The following PARP8 variants were observed in gnomAD, a reference collection of about 807,000 sequenced individuals.
PARP8 encodes protein mono-ADP-ribosyltransferase PARP8.
In PARP8, 51 loss-of-function variants were observed where a neutral mutation model predicts 124.1. The ratio of observed to expected loss-of-function variants is 0.41; its 90% CI spans 0.33 to 0.52. The LOEUF (loss-of-function observed/expected upper bound fraction) is 0.52, where lower values mean the gene tolerates loss of function less well. Ranked by LOEUF, PARP8 falls within the 20% of genes least tolerant of loss-of-function variation. PARP8 has a pLI of 0.21. For synonymous variants in PARP8, 391 were observed against 361.5 expected (o/e 1.08, Z -0.93); for missense variants, 860 against 1,018.9 (o/e 0.84, Z 2.12).
chr5:50,698,767 C>G (rs1256875889), intron 2 of PARP8, among the ~76,000 whole-genome samples: 1 of 152,028 alleles, frequency 6.6e-6, no homozygotes, highest in Non-Finnish European at 1.5e-5. Context: ...ACCAGGAGTT[C>G]CTTGAAAGTG....
At chr5:50,717,826 C>T (rs1388409235) in intron 2 of PARP8, among the ~76,000 whole-genome samples, 1 of 151,802 alleles carries the variant, frequency 6.6e-6, no homozygotes, top group African/African-American at 2.4e-5. Flanking sequence ...TAATCATTAA[C>T]TACTCATTGC....
intron 7 of PARP8, among the ~76,000 whole-genome samples, chr5:50,764,444 C>A (rs1424263092): frequency 6.6e-6 from 1 of 152,142 alleles, no homozygotes. Context: ...CAAGTAATTT[C>A]AATTGGGAAG....
rs1344729241 is a variant in PARP8 at position 50,842,484 on chromosome 5, G to GTT, written c.*418_*419dup. 6.1e-6 allele frequency: 1 copy of GTT among 164,576 alleles called. No homozygotes were observed. The highest frequency in any genetic ancestry group is 2.4e-5 in the African/African-American group (1 of 41,444). 10.2% of individuals were successfully genotyped at this position (164,576 alleles called of 1,614,324 possible). ...TCAGATACTTTGCAATAAGTATACT[G>GTT]TTTGCACATTCTGATGTGCTATATC... On this transcript the variant is annotated 3_prime_UTR_variant, in exon 26 of 26. Coordinates refer to ENST00000281631, the MANE Select transcript of PARP8 (RefSeq NM_024615.4).
chr5:50,709,402 C>T (rs1754488931), intron 2 of PARP8, among the ~76,000 whole-genome samples: 1 of 151,602 alleles, frequency 6.6e-6, no homozygotes, highest in Non-Finnish European at 1.5e-5. Context: ...CAAGTATATT[C>T]TGGTTATCTA....
At chr5:50,758,197 A>G (rs1580233386) in intron 3 of PARP8, among the ~76,000 whole-genome samples, 1 of 152,264 alleles carries the variant, frequency 6.6e-6, no homozygotes, top group East Asian at 1.9e-4. Context: ...TTTATATTAA[A>G]CCTGTTTCTT....
At chr5:50,815,206 T>G (rs1744962416) in intron 14 of PARP8, among the ~76,000 whole-genome samples, 2 of 152,196 alleles carry the variant, frequency 1.3e-5, no homozygotes, top group Non-Finnish European at 2.9e-5. Context: ...TAAAACTAAC[T>G]GAAAAGGATC....
intron 7 of PARP8, among the ~76,000 whole-genome samples, chr5:50,765,913 G>A (rs945865905): frequency 1.5e-4 from 23 of 152,094 alleles, no homozygotes; most frequent in African/African-American, 5.6e-4. Context: ...ACCTAATTGG[G>A]GCTTACAAGA....
At chr5:50,803,236 T>C (rs1743435429) in intron 14 of PARP8, among the ~76,000 whole-genome samples, 1 of 152,242 alleles carries the variant, frequency 6.6e-6, no homozygotes, top group Non-Finnish European at 1.5e-5. Context: ...GATGAATTGC[T>C]TCTCTCGCTG....
intron 2 of PARP8, among the ~76,000 whole-genome samples, chr5:50,729,131 A>C (rs1258018863): frequency 6.6e-6 from 1 of 152,146 alleles, no homozygotes; most frequent in African/African-American, 2.4e-5. Flanking sequence ...AAACTAGATA[A>C]ATTTTTGTTT....
At chr5:50,753,952 G>A (rs1281879606) in intron 3 of PARP8, among the ~76,000 whole-genome samples, 2 of 149,644 alleles carry the variant, frequency 1.3e-5, no homozygotes, top group Admixed American at 1.3e-4. Flanking sequence ...GAGAAGTGAA[G>A]AGAAAATATC....
chr5:50,711,796 A>G (rs1438561106), intron 2 of PARP8, among the ~76,000 whole-genome samples: 1 of 152,108 alleles, frequency 6.6e-6, no homozygotes, highest in Non-Finnish European at 1.5e-5. Context: ...AGTTGCAGCC[A>G]AAAGCATTAT....
At chr5:50,708,337 ATTC>A (rs1219743532) in intron 2 of PARP8, among the ~76,000 whole-genome samples, 2 of 152,064 alleles carry the variant, frequency 1.3e-5, no homozygotes, top group Non-Finnish European at 2.9e-5. Flanking sequence ...TGGATGCCAT[ATTC>A]TTCTTGTTTT....
Position 50,731,640 on chromosome 5 carries a change from A to G in PARP8, c.147-18511A>G, listed in dbSNP as rs575244478. On this transcript the variant is annotated intron_variant, in intron 2 of 25. Transcript: ENST00000281631. ...TGCAGTCGTTGGGAAAGCATGAGGT[A>G]TAGGACTCAACCCTTTGGTATATAT... 7.2e-5 allele frequency among the ~76,000 whole-genome samples: 11 copies of G among 152,308 alleles called. No homozygotes were observed. In the South Asian group the frequency reaches 1.7e-3, roughly 23 times the overall value.
At chr5:50,731,620 T>C (rs1330827020) in intron 2 of PARP8, among the ~76,000 whole-genome samples, 8 of 152,192 alleles carry the variant, frequency 5.3e-5, no homozygotes, top group Non-Finnish European at 1.2e-4. Context: ...TTGGATGCAG[T>C]CGTTGGGAAA....
At chr5:50,814,968 A>G (rs1744931974) in intron 14 of PARP8, among the ~76,000 whole-genome samples, 1 of 151,976 alleles carries the variant, frequency 6.6e-6, no homozygotes, top group African/African-American at 2.4e-5. Context: ...AAACAGAATC[A>G]TGCTATTTTT....
chr5:50,709,421 T>C (rs1472204073), intron 2 of PARP8, among the ~76,000 whole-genome samples: 1 of 152,082 alleles, frequency 6.6e-6, no homozygotes, highest in East Asian at 1.9e-4. Flanking sequence ...TATATTTCTT[T>C]TAAGTACATT....
intron 3 of PARP8, among the ~76,000 whole-genome samples, chr5:50,754,180 CATAT>C (rs55915893): frequency 0.31 from 13,838 of 45,076 alleles, 1,612 homozygotes; most frequent in South Asian, 0.39. Flanking sequence ...CACACACACA[CATAT>C]ATATATATTT....
At chr5:50,821,534 G>A (rs1183216771) in intron 16 of PARP8, among the ~76,000 whole-genome samples, 196 bp downstream of exon 16, 1 of 152,078 alleles carries the variant, frequency 6.6e-6, no homozygotes, top group Non-Finnish European at 1.5e-5. Flanking sequence ...AAAGATCATG[G>A]GTAAAGGGAC....
chr5:50,813,747 T>C (rs963301091), intron 14 of PARP8, among the ~76,000 whole-genome samples: 2 of 152,168 alleles, frequency 1.3e-5, no homozygotes, highest in Admixed American at 1.3e-4. Context: ...ATAGCTCTTA[T>C]TATTTTGAGA....
Sources: gnomAD v4.1 joint callset for allele counts (sites outside exome capture counted in the v4.1 genomes callset) on GRCh38, gnomAD v4.1.1 for gene constraint, MANE v1.5 for transcripts, NCBI Gene and HGNC (gene_info 2026-07-23, HGNC 2026-07-21) for gene names.